The following LYPLAL1 variants were observed in gnomAD, a reference collection of about 807,000 sequenced individuals.
LYPLAL1 encodes lysophospholipase like 1.
Under a neutral mutation model 19.7 loss-of-function variants are expected in LYPLAL1, and 23 were observed. The observed-to-expected ratio is 1.17, with a 90% CI of 0.84 to 1.65. LYPLAL1 has a LOEUF of 1.65. Among genes scored for constraint, LYPLAL1 ranks in the 40% most tolerant of loss-of-function variants. The pLI is 0.00. For synonymous variants in LYPLAL1, 119 were observed against 96.3 expected, an observed-to-expected ratio of 1.24 and a Z score of -1.38; for missense variants, 355 against 279.4, an observed-to-expected ratio of 1.27 and a Z score of -1.93.
the LYPLAL1 span, among the ~76,000 whole-genome samples, chr1:219,247,290 G>T: frequency 6.6e-5 from 10 of 152,054 alleles, no homozygotes; most frequent in Non-Finnish European, 1.3e-4. Context: ...CCAAAGTAAA[G>T]AAATTTTGTT....
the LYPLAL1 span, among the ~76,000 whole-genome samples, chr1:219,351,957 C>T: frequency 3.3e-5 from 5 of 152,276 alleles, no homozygotes; most frequent in African/African-American, 1.2e-4. Flanking sequence ...GATTTCAGGG[C>T]TTTGTAACTT....
At chr1:219,363,052 C>T in the LYPLAL1 span, among the ~76,000 whole-genome samples, 23 of 152,244 alleles carry the variant, frequency 1.5e-4, no homozygotes, top group African/African-American at 4.1e-4. Flanking sequence ...ATACCACCGT[C>T]TTCATTGTTT....
chr1:219,273,825 G>A, the LYPLAL1 span, among the ~76,000 whole-genome samples: 1 of 152,126 alleles, frequency 6.6e-6, no homozygotes, highest in South Asian at 2.1e-4. Flanking sequence ...GCAGTGGCAA[G>A]ATCTCGGCTC....
chr1:219,416,806 C>T, the LYPLAL1 span, among the ~76,000 whole-genome samples: 76 of 152,220 alleles, frequency 5.0e-4, no homozygotes, highest in Non-Finnish European at 9.9e-4. Context: ...TCCCTTTTGT[C>T]GCCATCTGCT....
the LYPLAL1 span, among the ~76,000 whole-genome samples, chr1:219,305,815 T>C: frequency 1.4e-4 from 21 of 152,340 alleles, no homozygotes; most frequent in South Asian, 4.4e-3. Context: ...GATCCATATA[T>C]GTCCTTGGCA....
At chr1:219,328,397 G>C in the LYPLAL1 span, among the ~76,000 whole-genome samples, 1 of 152,124 alleles carries the variant, frequency 6.6e-6, no homozygotes, top group Non-Finnish European at 1.5e-5. Context: ...CTTCAGTCTA[G>C]ACCTGGTTGT....
the LYPLAL1 span, among the ~76,000 whole-genome samples, chr1:219,425,539 A>G: frequency 6.6e-6 from 1 of 152,204 alleles, no homozygotes; most frequent in Non-Finnish European, 1.5e-5. Context: ...CTCCCTTGAT[A>G]GACTTAAGCC....
the LYPLAL1 span, among the ~76,000 whole-genome samples, chr1:219,286,036 C>T: frequency 1.3e-5 from 2 of 152,150 alleles, no homozygotes; most frequent in African/African-American, 2.4e-5. Context: ...AACAACCAGC[C>T]GCAGTGCATT....
At chr1:219,304,666 G>C in the LYPLAL1 span, among the ~76,000 whole-genome samples, 1 of 152,166 alleles carries the variant, frequency 6.6e-6, no homozygotes, top group African/African-American at 2.4e-5. Context: ...GTTCTAAATT[G>C]TGTAGTGAAA....
the LYPLAL1 span, among the ~76,000 whole-genome samples, chr1:219,293,758 T>A: frequency 1.6e-3 from 251 of 152,366 alleles, 2 homozygotes; most frequent in African/African-American, 5.4e-3. Context: ...GGTATCTTAA[T>A]ACACAATATA....
chr1:219,228,487 C>T, the LYPLAL1 span, among the ~76,000 whole-genome samples: 1 of 150,398 alleles, frequency 6.6e-6, no homozygotes, highest in South Asian at 2.1e-4. Flanking sequence ...GTTGCTATGT[C>T]TTATCTCAAG....
chr1:219,306,827 G>GATAT, the LYPLAL1 span, among the ~76,000 whole-genome samples: 6 of 120,414 alleles, frequency 5.0e-5, no homozygotes, highest in Admixed American at 9.2e-5. Flanking sequence ...TAGATAGATA[G>GATAT]ATAGATAGAT....
At chr1:219,433,092 A>T in the LYPLAL1 span, among the ~76,000 whole-genome samples, 1 of 152,202 alleles carries the variant, frequency 6.6e-6, no homozygotes, top group East Asian at 1.9e-4. Context: ...CAGGGATAAC[A>T]TGACCTGCTG....
chr1:219,240,890 T>A, the LYPLAL1 span, among the ~76,000 whole-genome samples: 1 of 151,682 alleles, frequency 6.6e-6, no homozygotes, highest in Non-Finnish European at 1.5e-5. Context: ...GTCCACCACT[T>A]CTAGGCCTGA....
At chr1:219,174,080 A>C in intron 1 of LYPLAL1, 99 bp downstream of exon 1, 1 of 1,547,260 alleles carries the variant, frequency 6.5e-7, no homozygotes, top group Non-Finnish European at 8.7e-7. Flanking sequence ...CCGGGCCCAA[A>C]TAGGGCCCAG....
At chr1:219,382,653 C>T in the LYPLAL1 span, among the ~76,000 whole-genome samples, 134 of 152,196 alleles carry the variant, frequency 8.8e-4, no homozygotes, top group Non-Finnish European at 1.3e-3. Flanking sequence ...TGAGCCACTG[C>T]ACCCAGCCCA....
Position 219,179,178 on chromosome 1 carries a change from C to G in LYPLAL1, c.123C>G (p.Ile41Met). 6.2e-7 allele frequency: 1 copy of G among 1,612,354 alleles called. No individual in the cohort carries two copies. Among genetic ancestry groups the G allele is most frequent in the Non-Finnish European group, 8.5e-7 (1 of 1,179,278 alleles). The change falls in exon 2 of 5, where the codon ATC becomes ATG. Residue 41 changes from isoleucine (I) to methionine (M), a missense_variant. By Grantham distance (10) the Ile-to-Met change is conservative. Transcript: ENST00000366928. ...CTGGACAAGGATTAAGAATGTGGAT[C>G]AAGCAGGTTTTAAATCAAGATTTAA... ...GDSGQGLRMWIKQVLNQDLTF... is the reference protein window; with the variant it reads ...GDSGQGLRMWMKQVLNQDLTF...
chr1:219,390,679 T>C, the LYPLAL1 span, among the ~76,000 whole-genome samples: 1 of 152,196 alleles, frequency 6.6e-6, no homozygotes, highest in Non-Finnish European at 1.5e-5. Flanking sequence ...ATATTTCCCC[T>C]TCCCAATGAA....
At chr1:219,189,208 A>G (rs886391701) in intron 2 of LYPLAL1, among the ~76,000 whole-genome samples, 37 of 151,698 alleles carry the variant, frequency 2.4e-4, no homozygotes, top group African/African-American at 8.0e-4. Context: ...ATTTTAGCCT[A>G]TGATATCATC....
Sources: gnomAD v4.1 joint callset for allele counts (sites outside exome capture counted in the v4.1 genomes callset) on GRCh38, gnomAD v4.1.1 for gene constraint, MANE v1.5 for transcripts, NCBI Gene and HGNC (gene_info 2026-07-23, HGNC 2026-07-21) for gene names.